GLIS3: variants seen among roughly 807,000 people sequenced by gnomAD.
The protein encoded by GLIS3 is GLIS family zinc finger 3, also known as zinc finger protein GLIS3.
In GLIS3, 53 loss-of-function variants were observed where a neutral mutation model predicts 78.6. The observed-to-expected ratio is 0.67, with a 90% CI of 0.54 to 0.85. The LOEUF (loss-of-function observed/expected upper bound fraction) is 0.85. Ranked by LOEUF, GLIS3 falls within the 40% of genes least tolerant of loss-of-function variation. GLIS3 has a pLI of 0.00. For missense variants in GLIS3, 1,703 were observed against 1,231.1 expected, an observed-to-expected ratio of 1.38 and a Z score of -5.74; for synonymous variants, 684 against 509.9, an observed-to-expected ratio of 1.34 and a Z score of -4.60.
chr9:4,382,669 C>T, the GLIS3 span, among the ~76,000 whole-genome samples: 333 of 152,252 alleles, frequency 2.2e-3, 2 homozygotes, highest in Middle Eastern at 0.014. Flanking sequence ...TTGTCCTAAC[C>T]TCCTGAGACA....
Position 3,829,302 on chromosome 9 carries a change from C to T in GLIS3, c.2656+8G>A. ...CAGGATTTTCTAAGTCACAGACAAC[C>T]AACACACCTGTAATGCCCGAGTGAG... On this transcript the variant is annotated splice_region_variant and intron_variant, in intron 10 of 10. Transcript: ENST00000381971. 6.2e-7 allele frequency: 1 copy of T among 1,613,436 alleles called. No individual in the cohort carries two copies. The highest frequency in any genetic ancestry group is 8.5e-7 in the Non-Finnish European group (1 of 1,179,564).
At chr9:4,301,610 C>T (rs537229303), upstream of GLIS3, among the ~76,000 whole-genome samples, 78 of 152,328 alleles carry the variant, frequency 5.1e-4, no homozygotes, top group African/African-American at 1.9e-3. Context: ...TGTACAACTG[C>T]TTCCCAGGAG....
intron 2 of GLIS3, among the ~76,000 whole-genome samples, chr9:4,130,103 T>G (rs1416272256): frequency 6.6e-6 from 1 of 152,184 alleles, no homozygotes; most frequent in African/African-American, 2.4e-5. Flanking sequence ...AGGAAGAAAT[T>G]TCTAAGCAGC....
At chr9:4,113,792 G>C (rs1356922661) in intron 4 of GLIS3, among the ~76,000 whole-genome samples, 1 of 152,148 alleles carries the variant, frequency 6.6e-6, no homozygotes, top group South Asian at 2.1e-4. Context: ...ATAATCCAAT[G>C]TTACTTAAAA....
At chr9:4,354,891 C>G in the GLIS3 span, among the ~76,000 whole-genome samples, 1 of 151,942 alleles carries the variant, frequency 6.6e-6, no homozygotes, top group African/African-American at 2.4e-5. Flanking sequence ...CCGAGGTGGG[C>G]GGATCACTAG....
At chr9:3,877,908 C>A (rs1014239541) in intron 8 of GLIS3, among the ~76,000 whole-genome samples, 1 of 152,146 alleles carries the variant, frequency 6.6e-6, no homozygotes, top group Non-Finnish European at 1.5e-5. Context: ...TCTCTCTTAA[C>A]AAAGAGCCTA....
intron 2 of GLIS3, among the ~76,000 whole-genome samples, chr9:4,163,524 C>T (rs1835666620): frequency 6.6e-6 from 1 of 152,264 alleles, no homozygotes; most frequent in Non-Finnish European, 1.5e-5. Context: ...CATGTAGCCT[C>T]TCAAGTGGTA....
chr9:3,993,331 T>C (rs547919704), intron 4 of GLIS3, among the ~76,000 whole-genome samples: 4 of 152,186 alleles, frequency 2.6e-5, no homozygotes, highest in South Asian at 4.1e-4. Context: ...AAGCCTGAAA[T>C]TCAGTGGAAT....
chr9:4,354,868 A>G, the GLIS3 span, among the ~76,000 whole-genome samples: 249 of 152,186 alleles, frequency 1.6e-3, no homozygotes, highest in East Asian at 0.013. Context: ...TGTAATCCCA[A>G]CACTTTGGGA....
intron 3 of GLIS3, among the ~76,000 whole-genome samples, chr9:4,121,416 A>C (rs892001457): frequency 6.6e-6 from 1 of 152,232 alleles, no homozygotes; most frequent in Non-Finnish European, 1.5e-5. Flanking sequence ...TGTAAGATAC[A>C]TACTAAGTAC....
At chr9:4,301,464 T>C (rs181221833), upstream of GLIS3, among the ~76,000 whole-genome samples, 5 of 152,366 alleles carry the variant, frequency 3.3e-5, no homozygotes, top group East Asian at 3.9e-4. Flanking sequence ...TATTCCATTG[T>C]GGCTAGTTAT....
At chr9:4,251,357 G>A (rs1343952876) in intron 2 of GLIS3, among the ~76,000 whole-genome samples, 1 of 151,490 alleles carries the variant, frequency 6.6e-6, no homozygotes, top group East Asian at 1.9e-4. Flanking sequence ...TTACCATTAT[G>A]TAATGCCCCT....
intron 2 of GLIS3, among the ~76,000 whole-genome samples, chr9:4,177,472 A>G (rs907021604): frequency 1.3e-5 from 2 of 152,186 alleles, no homozygotes; most frequent in Admixed American, 6.5e-5. Context: ...AATGTCTGAA[A>G]CAGATACAGG....
intron 2 of GLIS3, among the ~76,000 whole-genome samples, chr9:4,219,231 C>T (rs911241927): frequency 5.3e-5 from 8 of 152,324 alleles, no homozygotes; most frequent in South Asian, 2.1e-4. Context: ...CTGACATAAA[C>T]GAGACCTGAC....
intron 4 of GLIS3, among the ~76,000 whole-genome samples, chr9:3,996,486 ATTAACT>A (rs1246248428): frequency 2.6e-5 from 4 of 152,214 alleles, no homozygotes; most frequent in Non-Finnish European, 4.4e-5. Flanking sequence ...AAAGATACTG[ATTAACT>A]TTACTTTCTG....
At chr9:4,481,549 T>A in the GLIS3 span, among the ~76,000 whole-genome samples, 1 of 151,010 alleles carries the variant, frequency 6.6e-6, no homozygotes, top group African/African-American at 2.4e-5. Context: ...TGTGTACCGT[T>A]TTCCAGTGTA....
At chr9:4,254,677 T>G (rs552943032) in intron 2 of GLIS3, among the ~76,000 whole-genome samples, 1 of 151,550 alleles carries the variant, frequency 6.6e-6, no homozygotes, top group South Asian at 2.1e-4. Context: ...CCATCTCTAC[T>G]AAAAATACAA....
chr9:3,868,944 G>A (rs1820792112), intron 8 of GLIS3, among the ~76,000 whole-genome samples: 1 of 152,092 alleles, frequency 6.6e-6, no homozygotes, highest in East Asian at 1.9e-4. Context: ...TTTGGGTTAT[G>A]TGCTCTTTCT....
At chr9:3,849,970 C>T (rs1387623094) in intron 9 of GLIS3, among the ~76,000 whole-genome samples, 4 of 151,804 alleles carry the variant, frequency 2.6e-5, no homozygotes, top group African/African-American at 4.8e-5. Context: ...GTTGTTGGTG[C>T]GGTTGCTGTA....
Sources: gnomAD v4.1 joint callset for allele counts (sites outside exome capture counted in the v4.1 genomes callset) on GRCh38, gnomAD v4.1.1 for gene constraint, MANE v1.5 for transcripts, NCBI Gene and HGNC (gene_info 2026-07-23, HGNC 2026-07-21) for gene names.